MYO5A: variants seen among roughly 807,000 people sequenced by gnomAD.
MYO5A encodes the protein unconventional myosin-Va.
MYO5A carries 98 observed loss-of-function variants against 249.7 expected under a neutral mutation model. The observed-to-expected ratio is 0.39, with a 90% confidence interval of 0.33 to 0.46. MYO5A has a LOEUF of 0.46. Among genes scored for constraint, MYO5A ranks in the 20% least tolerant of loss-of-function variants. The pLI, the probability that MYO5A is intolerant of heterozygous loss-of-function variation, is 0.98. For missense variants in MYO5A, 1,696 were observed against 2,308.8 expected, an observed-to-expected ratio of 0.73 and a Z score of 5.44; for synonymous variants, 778 against 810.6, an observed-to-expected ratio of 0.96 and a Z score of 0.68.
chr15:52,403,905 G>T (rs139843425), intron 9 of MYO5A, among the ~76,000 whole-genome samples: 3 of 152,076 alleles, frequency 2.0e-5, no homozygotes, highest in Non-Finnish European at 4.4e-5. Context: ...AAATCGTAAG[G>T]ATCAAGCTTT....
At chr15:52,432,635 C>T (rs1724625) in intron 2 of MYO5A, among the ~76,000 whole-genome samples, 58,286 of 152,052 alleles carry the variant, frequency 0.38, 12,765 homozygotes, top group East Asian at 0.67. Context: ...TGAAATTTAA[C>T]GTGAGAAAAT....
chr15:52,378,254 G>A (rs1394190503), intron 18 of MYO5A, among the ~76,000 whole-genome samples: 1 of 151,978 alleles, frequency 6.6e-6, no homozygotes, highest in Non-Finnish European at 1.5e-5. Context: ...TGGGCGCAGT[G>A]GCTCACACCT....
rs74719809 is a variant in MYO5A, at chr15:52,436,790, G to A, written c.28-3505C>T. Among the ~76,000 whole-genome samples the A allele has an allele frequency of 1.6e-3, 248 of 152,206 alleles. 6 individuals are homozygous for A. The East Asian group carries it at 0.031, about 19-fold the overall frequency. ...ATATAAGTAGCATGATTAAAAGCTC[G>A]CTCAATTGCTTTAATTTTCTCTTAT... On this transcript the variant is annotated intron_variant, in intron 1 of 41. Transcript: ENST00000399233.
At chr15:52,387,624 T>C in intron 14 of MYO5A, 1 of 531,648 alleles carries the variant, frequency 1.9e-6, no homozygotes, top group Non-Finnish European at 3.3e-6. Context: ...ATCCATAAAA[T>C]AAGAGTCATT....
At chr15:52,347,257 C>A (rs1322016826) in intron 29 of MYO5A, among the ~76,000 whole-genome samples, 1 of 152,142 alleles carries the variant, frequency 6.6e-6, no homozygotes, top group African/African-American at 2.4e-5. Flanking sequence ...TCACTGCTGG[C>A]AAACCACAAT....
chr15:52,348,277 G>C (rs1429464847), intron 29 of MYO5A, among the ~76,000 whole-genome samples: 2 of 148,994 alleles, frequency 1.3e-5, no homozygotes, highest in Non-Finnish European at 3.0e-5. Flanking sequence ...GAAAATTCCA[G>C]CAATATCTGT....
intron 18 of MYO5A, among the ~76,000 whole-genome samples, chr15:52,378,120 A>G (rs1231782755): frequency 1.3e-5 from 2 of 151,740 alleles, no homozygotes; most frequent in African/African-American, 4.8e-5. Flanking sequence ...CTGCCTAACT[A>G]AATTCCCACA....
At chr15:52,314,560 T>C (rs1271547934) in intron 40 of MYO5A, among the ~76,000 whole-genome samples, 2 of 152,256 alleles carry the variant, frequency 1.3e-5, no homozygotes, top group Non-Finnish European at 2.9e-5. Context: ...CTGCTATAAA[T>C]ATTCTAGTTC....
chr15:52,369,126 G>T (rs1458308749), intron 22 of MYO5A, among the ~76,000 whole-genome samples: 2 of 152,098 alleles, frequency 1.3e-5, no homozygotes, highest in Admixed American at 1.3e-4. Flanking sequence ...AGATATAGGA[G>T]GAATTACTTT....
chr15:52,459,165 T>TTTTTTTTTTTTTG, intron 1 of MYO5A, among the ~76,000 whole-genome samples: 1 of 137,722 alleles, frequency 7.3e-6, no homozygotes, highest in Admixed American at 7.5e-5. Flanking sequence ...TTTTTTTTTT[T>TTTTTTTTTTTTTG]TTTTTTTTTA....
Position 52,377,092 on chromosome 15 carries a change from T to C in MYO5A, c.2209-534A>G, listed in dbSNP as rs149618951. Among the ~76,000 whole-genome samples, 90 of 152,346 alleles carry C rather than the reference T, an allele frequency of 5.9e-4. 1 individual carries two copies. In the East Asian group the frequency reaches 0.017, roughly 29 times the overall value. ...AGCTCTTGGCTTTATCAATAATATC[T>C]GAAAACAAACTAACAAAACCCCATA... On this transcript the variant is annotated intron_variant, in intron 18 of 41. Coordinates refer to ENST00000399233, the MANE Select transcript of MYO5A (RefSeq NM_001382347.1).
chr15:52,351,335 G>C lies in MYO5A; in HGVS notation c.3768C>G (p.Ser1256Arg). Residue 1256 changes from serine (S) to arginine (R), a missense_variant, in exon 28 of 42, where the codon AGC becomes AGG. By Grantham distance (110) the Ser-to-Arg change is moderately radical (BLOSUM62 -1). Transcript: ENST00000399233. The stretch of plus-strand genomic sequence containing the variant: ...CCTCCTTGCGGACATCAAGCTCCTC[G>C]CTCACAGAGGTCAGCTGCTCCATGA... ...RVLMEQLTSV[S>R]EELDVRKEEV... is the part of the protein sequence containing the mutation. 6.2e-7 allele frequency: 1 copy of C among 1,614,164 alleles called. No homozygotes were observed. Among genetic ancestry groups the C allele is most frequent in the East Asian group, 2.2e-5 (1 of 44,886 alleles).
intron 5 of MYO5A, among the ~76,000 whole-genome samples, 180 bp from the exon 6 acceptor site, chr15:52,410,656 G>A (rs547722363): frequency 1.9e-3 from 281 of 146,986 alleles, no homozygotes; most frequent in South Asian, 0.017. Context: ...GCACAATCTC[G>A]GCTCCCTGCA....
intron 1 of MYO5A, among the ~76,000 whole-genome samples, chr15:52,516,070 T>A (rs1668041219): frequency 2.0e-5 from 3 of 152,214 alleles, no homozygotes; most frequent in Admixed American, 2.0e-4. Flanking sequence ...GTAGGTTTTA[T>A]TATCACCATT....
chr15:52,418,050 G>A (rs1241823976), intron 4 of MYO5A, among the ~76,000 whole-genome samples: 1 of 152,160 alleles, frequency 6.6e-6, no homozygotes, highest in African/African-American at 2.4e-5. Flanking sequence ...ATGAGTAAGA[G>A]AAAGCAAGCA....
chr15:52,343,982 C>G (rs2039497292), intron 30 of MYO5A, among the ~76,000 whole-genome samples: 1 of 152,180 alleles, frequency 6.6e-6, no homozygotes, highest in Admixed American at 6.5e-5. Flanking sequence ...AGTAACCCAA[C>G]AAGTCATTTG....
intron 23 of MYO5A, among the ~76,000 whole-genome samples, chr15:52,365,805 C>T (rs193200698): frequency 7.2e-5 from 11 of 152,314 alleles, no homozygotes; most frequent in African/African-American, 2.6e-4. Flanking sequence ...AAAAATTTTC[C>T]CTTGGCAAAC....
intron 25 of MYO5A, among the ~76,000 whole-genome samples, chr15:52,355,063 T>C (rs952057167): frequency 2.0e-5 from 3 of 152,242 alleles, no homozygotes; most frequent in Non-Finnish European, 1.5e-5. Flanking sequence ...CGGAATGTAC[T>C]ATGGGAAGGT....
At chr15:52,323,600 C>T (rs2038435400) in intron 36 of MYO5A, 156 bp from the exon 37 acceptor site, 1 of 610,634 alleles carries the variant, frequency 1.6e-6, no homozygotes, top group Non-Finnish European at 2.9e-6. Flanking sequence ...TATGTCATTG[C>T]TAGCAGAATG....
Sources: gnomAD v4.1 joint callset for allele counts (sites outside exome capture counted in the v4.1 genomes callset) on GRCh38, gnomAD v4.1.1 for gene constraint, MANE v1.5 for transcripts, NCBI Gene and HGNC (gene_info 2026-07-23, HGNC 2026-07-21) for gene names.